ANK3: variants seen among roughly 807,000 people sequenced by gnomAD.
ANK3 encodes ankyrin 3.
In ANK3, 57 loss-of-function variants were observed where a neutral mutation model predicts 370.9. That is an observed-to-expected ratio of 0.15 (90% CI 0.12 to 0.19). ANK3 has a LOEUF of 0.19. Ranked by LOEUF, ANK3 falls within the 10% of genes least tolerant of loss-of-function variation. The pLI is 1.00. For missense variants in ANK3, 4,439 were observed against 5,302.1 expected (o/e 0.84, Z 5.06); for synonymous variants, 1,929 against 1,946.3 (o/e 0.99, Z 0.23).
chr10:60,663,850 T>C (rs752835041), intron 1 of ANK3, among the ~76,000 whole-genome samples: 1 of 152,252 alleles, frequency 6.6e-6, no homozygotes, highest in Non-Finnish European at 1.5e-5. Context: ...TCGTATTTTA[T>C]TTATTCTTGC....
intron 2 of ANK3, among the ~76,000 whole-genome samples, chr10:60,495,135 CA>C (rs2075620999): frequency 1.3e-5 from 2 of 152,166 alleles, no homozygotes; most frequent in Non-Finnish European, 2.9e-5. Context: ...AGGTCAACAG[CA>C]AAGTACAATT....
chr10:60,106,065 A>C lies in ANK3; in HGVS notation c.3174-6T>G, dbSNP rs755500003. On this transcript the variant is annotated splice_region_variant and splice_polypyrimidine_tract_variant and intron_variant, in intron 27 of 43. Transcript: ENST00000280772. The stretch of plus-strand genomic sequence containing the variant: ...GGATTTCCACTATGACAGGGCTGGA[A>C]AAAAAATCCACATTATTTTGGTATC... 6.3e-7 allele frequency: 1 copy of C among 1,596,744 alleles called. No homozygotes were observed. The highest frequency in any genetic ancestry group is 8.5e-7 in the Non-Finnish European group (1 of 1,174,478).
At chr10:60,163,380 C>T (rs1034245374) in intron 23 of ANK3, among the ~76,000 whole-genome samples, 1 of 152,198 alleles carries the variant, frequency 6.6e-6, no homozygotes, top group Non-Finnish European at 1.5e-5. Flanking sequence ...TAAAACCCTG[C>T]CTTGGACAAA....
chr10:60,257,931 G>A (rs1735302519), intron 7 of ANK3, among the ~76,000 whole-genome samples: 2 of 152,184 alleles, frequency 1.3e-5, no homozygotes, highest in South Asian at 4.1e-4. Context: ...ATTTACAAGA[G>A]AAAGGCCAAT....
At position 60,270,240 on chromosome 10, in the gene ANK3, A is replaced by G; in HGVS notation, c.415-11T>C. ...TGGCGTGAAACCATTCTGCAAAATA[A>G]GAAAAAAAATGTTTGTCTGCAGCTT... On this transcript the variant is annotated splice_polypyrimidine_tract_variant and intron_variant, in intron 4 of 43. Coordinates refer to ENST00000280772, the MANE Select transcript of ANK3 (RefSeq NM_020987.5). 4.5e-6 allele frequency: 7 copies of G among 1,559,716 alleles called. No individual in the cohort carries two copies. Among genetic ancestry groups the G allele is most frequent in the Non-Finnish European group, 6.1e-6 (7 of 1,150,582 alleles).
At chr10:60,492,581 C>T (rs575149514) in intron 2 of ANK3, among the ~76,000 whole-genome samples, 2 of 151,456 alleles carry the variant, frequency 1.3e-5, no homozygotes, top group East Asian at 3.9e-4. Flanking sequence ...GTGGCGGGCA[C>T]CTGTAGTCCC....
At chr10:60,607,415 T>TA (rs961027523) in intron 2 of ANK3, among the ~76,000 whole-genome samples, 22 of 149,694 alleles carry the variant, frequency 1.5e-4, no homozygotes, top group East Asian at 9.8e-4. Context: ...CTTTCTAATA[T>TA]AAAAAAAAAA....
At chr10:60,274,372 G>A (rs2098051905) in intron 4 of ANK3, among the ~76,000 whole-genome samples, 1 of 152,148 alleles carries the variant, frequency 6.6e-6, no homozygotes, top group African/African-American at 2.4e-5. Flanking sequence ...GTGCATGGGT[G>A]TTTGTTTTAT....
chr10:60,103,240 C>CTGCACACAA (rs1263158714), intron 28 of ANK3, among the ~76,000 whole-genome samples: 1 of 152,130 alleles, frequency 6.6e-6, no homozygotes, highest in African/African-American at 2.4e-5. Flanking sequence ...GTGAACCACA[C>CTGCACACAA]TGCACCCGGC....
At chr10:60,333,697 T>C (rs916914786) in intron 1 of ANK3, among the ~76,000 whole-genome samples, 2 of 152,206 alleles carry the variant, frequency 1.3e-5, no homozygotes, top group Non-Finnish European at 1.5e-5. Flanking sequence ...GTATTTCTAG[T>C]TCTAGATCCT....
At chr10:60,146,525 A>G (rs2094832597) in intron 23 of ANK3, among the ~76,000 whole-genome samples, 1 of 151,948 alleles carries the variant, frequency 6.6e-6, no homozygotes, top group Non-Finnish European at 1.5e-5. Flanking sequence ...GTCTCACTCT[A>G]TTGCCCAGGC....
At chr10:60,170,156 A>G (rs1263619071) in intron 21 of ANK3, among the ~76,000 whole-genome samples, 1 of 152,264 alleles carries the variant, frequency 6.6e-6, no homozygotes, top group African/African-American at 2.4e-5. Context: ...CATCTTTTGA[A>G]TATCAGCTTC....
chr10:60,507,752 A>G (rs1430311206), intron 2 of ANK3: 2 of 152,096 alleles, frequency 1.3e-5, no homozygotes, highest in Non-Finnish European at 2.9e-5. Context: ...GAGAATTAAG[A>G]GTAATGAAGA....
chr10:60,042,576 G>A (rs2076288693), intron 43 of ANK3, 96 bp downstream of exon 43: 2 of 1,230,612 alleles, frequency 1.6e-6, no homozygotes, highest in South Asian at 2.9e-5. Context: ...TCAGTGAAAA[G>A]GAAAGGACGG....
chr10:60,068,979 T>C lies in ANK3; in HGVS notation c.11902A>G (p.Thr3968Ala), dbSNP rs778188873. The change falls in exon 37 of 44, where the codon ACC becomes GCC. Residue 3968 changes from threonine (T) to alanine (A), a missense_variant. Physicochemically the swap from Thr to Ala is moderately conservative, Grantham distance 58. Around this residue, in one of 13 missense-constraint regions of ANK3, gnomAD observed 496 missense variants for 529.3 expected, o/e 0.94. Coordinates refer to ENST00000280772, the MANE Select transcript of ANK3 (RefSeq NM_020987.5). Reference protein sequence around the residue: ...CVTTTTTTATTTTTTTTTTTT... With the variant: ...CVTTTTTTATATTTTTTTTTT... ...GTGGTAGTGGTGGTAGTGGTGGTGG[T>C]GGTGGCAGTGGTGGTGGTGGTAGTG... 1 of 1,613,640 alleles carries C rather than the reference T, an allele frequency of 6.2e-7. No individual in the cohort carries two copies. The highest frequency in any genetic ancestry group is 1.1e-5 in the South Asian group (1 of 91,048).
chr10:60,125,871 C>T (rs1432283566), intron 25 of ANK3, among the ~76,000 whole-genome samples: 5 of 152,100 alleles, frequency 3.3e-5, no homozygotes, highest in African/African-American at 1.2e-4. Context: ...ACACTACTTG[C>T]TAACATATCA....
At chr10:60,085,534 T>G (rs1419139166) in intron 30 of ANK3, among the ~76,000 whole-genome samples, 2 of 152,120 alleles carry the variant, frequency 1.3e-5, no homozygotes, top group Non-Finnish European at 2.9e-5. Context: ...CAGCCACAAT[T>G]TATAAGTATA....
chr10:60,471,031 A>G (rs1266975304), intron 2 of ANK3, among the ~76,000 whole-genome samples: 1 of 152,108 alleles, frequency 6.6e-6, no homozygotes, highest in African/African-American at 2.4e-5. Context: ...TAAAAACCAC[A>G]TTGAAACAAT....
At chr10:60,321,308 A>C (rs2048587317) in intron 1 of ANK3, among the ~76,000 whole-genome samples, 1 of 152,094 alleles carries the variant, frequency 6.6e-6, no homozygotes, top group Non-Finnish European at 1.5e-5. Flanking sequence ...GGATCACTTG[A>C]ACTTGGCCGC....
Sources: gnomAD v4.1 joint callset for allele counts (sites outside exome capture counted in the v4.1 genomes callset) on GRCh38, gnomAD v4.1.1 for gene constraint, gnomAD v4.1.1 regional missense constraint, MANE v1.5 for transcripts, NCBI Gene and HGNC (gene_info 2026-07-23, HGNC 2026-07-21) for gene names.